The following CSMD1 variants were observed in gnomAD, a reference collection of about 807,000 sequenced individuals.
CSMD1 encodes CUB and sushi domain-containing protein 1.
CSMD1 carries 213 observed loss-of-function variants against 417.5 expected under a neutral mutation model. That is an observed-to-expected ratio of 0.51 (90% CI 0.46 to 0.57). The LOEUF is 0.57. Among genes scored for constraint, CSMD1 ranks in the 20% least tolerant of loss-of-function variants. The pLI is 0.00. For synonymous variants in CSMD1, 2,862 were observed against 1,736.8 expected (o/e 1.65, Z -16.11); for missense variants, 6,923 against 4,529.7 (o/e 1.53, Z -15.17).
At chr8:4,592,105 G>A (rs1264733736) in intron 2 of CSMD1, among the ~76,000 whole-genome samples, 2 of 152,016 alleles carry the variant, frequency 1.3e-5, no homozygotes, top group African/African-American at 2.4e-5. Flanking sequence ...GATGTTTAAC[G>A]AGCGGCTTTG....
chr8:3,602,715 T>TTA (rs925217439), intron 8 of CSMD1, among the ~76,000 whole-genome samples: 1 of 117,634 alleles, frequency 8.5e-6, no homozygotes, highest in Admixed American at 9.2e-5. Flanking sequence ...ACAGGAAGAA[T>TTA]TACACACACA....
intron 2 of CSMD1, among the ~76,000 whole-genome samples, chr8:4,544,833 C>G (rs1215210225): frequency 6.6e-6 from 1 of 152,212 alleles, no homozygotes; most frequent in East Asian, 1.9e-4. Flanking sequence ...TAATGCTTCA[C>G]TGCTTCCAAA....
chr8:3,328,022 G>A lies in CSMD1; in HGVS notation c.3631+15272C>T, dbSNP rs144367281. On this transcript the variant is annotated intron_variant, in intron 23 of 69. Coordinates refer to ENST00000635120, the MANE Select transcript of CSMD1 (RefSeq NM_033225.6). ...GCATTGCCAGCCAATTCGGGTTCCA[G>A]TTTCCAGAAACTACCCTGTCCGTCT... is the stretch of plus-strand genomic sequence containing the variant. Among the ~76,000 whole-genome samples, 1,018 of 152,240 alleles carry A rather than the reference G, an allele frequency of 6.7e-3. 8 individuals are homozygous for A. Among genetic ancestry groups the A allele is most frequent in the Non-Finnish European group, 0.01 (710 of 68,014 alleles).
At chr8:4,049,876 C>A (rs1200844338) in intron 3 of CSMD1, among the ~76,000 whole-genome samples, 1 of 150,578 alleles carries the variant, frequency 6.6e-6, no homozygotes, top group Non-Finnish European at 1.5e-5. Context: ...ATTGAATTAT[C>A]TTAGCTTTTA....
intron 55 of CSMD1, 133 bp from the exon 56 acceptor site, chr8:2,974,757 T>TA (rs1262620578): frequency 1.9e-6 from 1 of 533,340 alleles, no homozygotes; most frequent in Non-Finnish European, 2.9e-6. Context: ...GGTACTTATG[T>TA]AATTTGTGAG....
chr8:3,387,927 ATAAT>A (rs567522327), intron 17 of CSMD1, among the ~76,000 whole-genome samples: 1 of 152,340 alleles, frequency 6.6e-6, no homozygotes, highest in South Asian at 2.1e-4. Context: ...ACAACCTTGA[ATAAT>A]TAATTAACTT....
intron 3 of CSMD1, among the ~76,000 whole-genome samples, chr8:4,043,271 G>A (rs375676123): frequency 1.2e-4 from 18 of 152,038 alleles, no homozygotes; most frequent in Middle Eastern, 3.4e-3. Context: ...GAGATAAAAC[G>A]AATCACAGAA....
intron 50 of CSMD1, among the ~76,000 whole-genome samples, chr8:3,041,167 T>C (rs1298497106): frequency 6.6e-6 from 1 of 152,184 alleles, no homozygotes; most frequent in African/African-American, 2.4e-5. Flanking sequence ...TTCAACATTT[T>C]TGGACTTAAT....
intron 5 of CSMD1, among the ~76,000 whole-genome samples, chr8:3,912,438 G>C (rs1808522878): frequency 6.6e-6 from 1 of 152,284 alleles, no homozygotes; most frequent in African/African-American, 2.4e-5. Context: ...ACTTAGAGTA[G>C]ACCAGGGAAG....
intron 3 of CSMD1, among the ~76,000 whole-genome samples, chr8:4,251,015 A>G (rs373598786): frequency 6.6e-6 from 1 of 152,182 alleles, no homozygotes; most frequent in Non-Finnish European, 1.5e-5. Context: ...GTTAATGACA[A>G]GCATATTTTT....
intron 1 of CSMD1, among the ~76,000 whole-genome samples, chr8:4,778,931 A>C (rs1457886611): frequency 6.6e-6 from 1 of 152,242 alleles, no homozygotes; most frequent in African/African-American, 2.4e-5. Context: ...CAACCTGCTT[A>C]TCCTGTGGGT....
intron 2 of CSMD1, among the ~76,000 whole-genome samples, chr8:4,484,146 G>A (rs563948934): frequency 6.6e-6 from 1 of 151,242 alleles, no homozygotes; most frequent in African/African-American, 2.4e-5. Flanking sequence ...AGAAGGATTT[G>A]TGGAGGCCGC....
chr8:4,107,619 A>T (rs558195087), intron 3 of CSMD1, among the ~76,000 whole-genome samples: 1 of 152,188 alleles, frequency 6.6e-6, no homozygotes, highest in Non-Finnish European at 1.5e-5. Context: ...GAGCGACTCA[A>T]ACTGCATGTA....
intron 4 of CSMD1, among the ~76,000 whole-genome samples, chr8:4,027,234 C>T (rs892609303): frequency 1.3e-5 from 2 of 152,050 alleles, no homozygotes; most frequent in South Asian, 2.1e-4. Context: ...CATTGAGTCA[C>T]CAAAGTAGTT....
chr8:3,083,642 ATATATATTTTTTTTTTTTTTTTT>A (rs1814297127), intron 49 of CSMD1, among the ~76,000 whole-genome samples: 1 of 21,608 alleles, frequency 4.6e-5, no homozygotes, highest in Admixed American at 8.6e-4. Context: ...ATATATATAT[ATATATATTTTTTTTTTTTTTTTT>A]TTTTTTTTTT....
chr8:3,254,201 C>T (rs902388198), intron 26 of CSMD1, among the ~76,000 whole-genome samples: 1 of 152,162 alleles, frequency 6.6e-6, no homozygotes, highest in Non-Finnish European at 1.5e-5. Context: ...GGAATATTGG[C>T]CCCCACTCTC....
chr8:4,341,770 A>G (rs1368771340), intron 3 of CSMD1, among the ~76,000 whole-genome samples: 1 of 152,124 alleles, frequency 6.6e-6, no homozygotes, highest in Non-Finnish European at 1.5e-5. Context: ...ATGGTCAATA[A>G]TATTGTGCAG....
chr8:4,131,666 A>C (rs1006455586), intron 3 of CSMD1, among the ~76,000 whole-genome samples: 3 of 152,118 alleles, frequency 2.0e-5, no homozygotes, highest in African/African-American at 7.2e-5. Context: ...TTAAAATGTT[A>C]GATAGACTTC....
chr8:4,202,685 A>G (rs565273752), intron 3 of CSMD1, among the ~76,000 whole-genome samples: 20 of 152,322 alleles, frequency 1.3e-4, no homozygotes, highest in Non-Finnish European at 2.1e-4. Context: ...ACTTTCAGTG[A>G]AAGAGGGAGA....
Sources: gnomAD v4.1 joint callset for allele counts (sites outside exome capture counted in the v4.1 genomes callset) on GRCh38, gnomAD v4.1.1 for gene constraint, MANE v1.5 for transcripts, NCBI Gene and HGNC (gene_info 2026-07-23, HGNC 2026-07-21) for gene names.